The following FGF12 variants were observed in gnomAD, a reference collection of about 807,000 sequenced individuals.
The protein encoded by FGF12 is fibroblast growth factor 12B.
In FGF12, 14 loss-of-function variants were observed where a neutral mutation model predicts 23.6. The ratio of observed to expected loss-of-function variants is 0.59; its 90% CI spans 0.39 to 0.93. FGF12 has a LOEUF of 0.93. FGF12 is among the 40% of genes least tolerant of loss of function. The probability of loss-of-function intolerance (pLI) is 0.00; values close to 1 mark genes in which losing one functional copy is unlikely to be tolerated. For synonymous variants in FGF12, 62 were observed against 77.3 expected (o/e 0.80, Z 1.04); for missense variants, 175 against 217.8 (o/e 0.80, Z 1.24).
At chr3:192,682,392 C>G (rs1440061471) in intron 2 of FGF12, among the ~76,000 whole-genome samples, 1 of 152,154 alleles carries the variant, frequency 6.6e-6, no homozygotes, top group Admixed American at 6.6e-5. Context: ...AAACCTAAAT[C>G]TAACCCTGAC....
chr3:192,414,037 T>A (rs1316020808), intron 2 of FGF12, among the ~76,000 whole-genome samples: 1 of 152,192 alleles, frequency 6.6e-6, no homozygotes, highest in Non-Finnish European at 1.5e-5. Flanking sequence ...TACTACATGT[T>A]ATATGTCCAT....
At chr3:192,725,528 C>T (rs1205862627) in intron 2 of FGF12, among the ~76,000 whole-genome samples, 1 of 152,086 alleles carries the variant, frequency 6.6e-6, no homozygotes, top group Non-Finnish European at 1.5e-5. Context: ...GATCATTAAA[C>T]CACCTGGAAT....
intron 2 of FGF12, among the ~76,000 whole-genome samples, chr3:192,582,397 T>C (rs1388449643): frequency 1.3e-5 from 2 of 152,176 alleles, no homozygotes; most frequent in Admixed American, 1.3e-4. Context: ...GTTCACTCAT[T>C]GTTATTACTG....
chr3:192,462,144 A>G lies in FGF12; in HGVS notation c.14-101606T>C, dbSNP rs192996719. Among the ~76,000 whole-genome samples the G allele has an allele frequency of 3.3e-3, 502 of 152,354 alleles. 2 individuals are homozygous for G. Among genetic ancestry groups the G allele is most frequent in the Middle Eastern group, 0.017 (5 of 294 alleles). ...AATGTATATTAAAATAATAAAATTAACAAACACTGAAACTATTAAGAATTT... is the reference window on the plus strand; with the variant it reads ...AATGTATATTAAAATAATAAAATTAGCAAACACTGAAACTATTAAGAATTT... On this transcript the variant is annotated intron_variant, in intron 2 of 5. Coordinates refer to ENST00000445105, the MANE Select transcript of FGF12 (RefSeq NM_004113.6).
chr3:192,207,129 A>C (rs1419835047), intron 4 of FGF12, among the ~76,000 whole-genome samples: 1 of 152,234 alleles, frequency 6.6e-6, no homozygotes, highest in African/African-American at 2.4e-5. Context: ...AAAGCCCCTT[A>C]GCATTTGAAT....
intron 4 of FGF12, among the ~76,000 whole-genome samples, chr3:192,223,245 C>A (rs889590944): frequency 9.2e-5 from 14 of 152,098 alleles, no homozygotes; most frequent in African/African-American, 3.4e-4. Context: ...AGCCCTCTAA[C>A]TGAAGCAGAA....
At chr3:192,706,439 C>T (rs1047669540) in intron 2 of FGF12, among the ~76,000 whole-genome samples, 4 of 152,068 alleles carry the variant, frequency 2.6e-5, no homozygotes, top group Admixed American at 6.6e-5. Flanking sequence ...GACTGACCGC[C>T]GAACAGCACC....
At chr3:192,700,323 TA>T (rs1285968313) in intron 2 of FGF12, among the ~76,000 whole-genome samples, 2 of 152,152 alleles carry the variant, frequency 1.3e-5, no homozygotes, top group African/African-American at 4.8e-5. Context: ...TAGAAAAAAT[TA>T]AATTGTAGCC....
At chr3:192,612,804 T>C (rs1714597020) in intron 2 of FGF12, among the ~76,000 whole-genome samples, 1 of 151,978 alleles carries the variant, frequency 6.6e-6, no homozygotes, top group Admixed American at 6.6e-5. Context: ...GGTGTTTTAA[T>C]GGAAACCAAA....
intron 2 of FGF12, 160 bp downstream of exon 2, chr3:192,727,020 CT>C: frequency 1.2e-6 from 1 of 859,030 alleles, no homozygotes; most frequent in Non-Finnish European, 1.9e-6. Flanking sequence ...AAGAAGTCGC[CT>C]TCCTGCCACA....
intron 2 of FGF12, among the ~76,000 whole-genome samples, chr3:192,392,359 G>A (rs1720327458): frequency 6.6e-6 from 1 of 151,368 alleles, no homozygotes; most frequent in South Asian, 2.1e-4. Context: ...CCTGAGGTCG[G>A]GAGTTCGAGA....
intron 3 of FGF12, among the ~76,000 whole-genome samples, chr3:192,348,711 G>A (rs1171945430): frequency 6.6e-6 from 1 of 152,130 alleles, no homozygotes; most frequent in Non-Finnish European, 1.5e-5. Flanking sequence ...TGTAAACTGG[G>A]TGAAGGTATT....
chr3:192,329,362 T>C (rs1716991868), intron 4 of FGF12, among the ~76,000 whole-genome samples: 1 of 152,210 alleles, frequency 6.6e-6, no homozygotes, highest in Non-Finnish European at 1.5e-5. Flanking sequence ...GATAGCACTT[T>C]AGTAAGTCTT....
intron 4 of FGF12, among the ~76,000 whole-genome samples, chr3:192,206,931 G>T (rs1717680473): frequency 6.6e-6 from 1 of 152,066 alleles, no homozygotes; most frequent in Admixed American, 6.5e-5. Flanking sequence ...TTATTCTCTG[G>T]GGGTGAATGT....
At chr3:192,223,489 C>T (rs1326668533) in intron 4 of FGF12, among the ~76,000 whole-genome samples, 2 of 152,116 alleles carry the variant, frequency 1.3e-5, no homozygotes, top group African/African-American at 2.4e-5. Context: ...GATCTTACTC[C>T]GTGGCTCCTC....
chr3:192,650,109 T>C (rs759435239), intron 2 of FGF12, among the ~76,000 whole-genome samples: 11 of 152,216 alleles, frequency 7.2e-5, no homozygotes, highest in Non-Finnish European at 1.0e-4. Flanking sequence ...AAGAGAGTCA[T>C]GGGCGAAGCC....
chr3:192,668,683 G>A (rs575172127), intron 2 of FGF12, among the ~76,000 whole-genome samples: 21 of 152,220 alleles, frequency 1.4e-4, no homozygotes, highest in African/African-American at 5.1e-4. Flanking sequence ...GCTGTGCATC[G>A]TGTAGGTCCC....
intron 4 of FGF12, among the ~76,000 whole-genome samples, chr3:192,195,933 G>A (rs1352402470): frequency 6.6e-6 from 1 of 152,090 alleles, no homozygotes; most frequent in Non-Finnish European, 1.5e-5. Context: ...CAGTCACCAT[G>A]CTATAGAAGA....
At chr3:192,579,236 G>C (rs1011967087) in intron 2 of FGF12, among the ~76,000 whole-genome samples, 1 of 152,108 alleles carries the variant, frequency 6.6e-6, no homozygotes, top group Non-Finnish European at 1.5e-5. Flanking sequence ...TAATAAGCCT[G>C]TTTCCAATAA....
Sources: allele counts gnomAD v4.1 joint callset (sites outside exome capture counted in the v4.1 genomes callset), GRCh38; gene constraint gnomAD v4.1.1; transcripts MANE v1.5; gene names NCBI Gene and HGNC (gene_info 2026-07-23, HGNC 2026-07-21).